SGTA: variants seen among roughly 807,000 people sequenced by gnomAD.
SGTA encodes the protein small glutamine rich tetratricopeptide repeat co-chaperone alpha.
In SGTA, 22 loss-of-function variants were observed where a neutral mutation model predicts 44.3. The ratio of observed to expected loss-of-function variants is 0.50; its 90% CI spans 0.36 to 0.71. The LOEUF (loss-of-function observed/expected upper bound fraction) is 0.71. Ranked by LOEUF, SGTA falls within the 30% of genes least tolerant of loss-of-function variation. The pLI is 0.00. For synonymous variants in SGTA, 174 were observed against 177.6 expected (o/e 0.98, Z 0.16); for missense variants, 341 against 435.9 (o/e 0.78, Z 1.94).
chr19:2,779,597 C>T (rs1339886647), intron 1 of SGTA, among the ~76,000 whole-genome samples: 1 of 152,180 alleles, frequency 6.6e-6, no homozygotes, highest in African/African-American at 2.4e-5. Context: ...TATGGATGCT[C>T]AGGAGCCATG....
At chr19:2,771,580 G>A (rs1181605154) in intron 1 of SGTA, among the ~76,000 whole-genome samples, 4 of 151,714 alleles carry the variant, frequency 2.6e-5, no homozygotes, top group Admixed American at 2.0e-4. Context: ...CCCATCGGGG[G>A]GGGGGGGAGG....
chr19:2,776,983 T>C (rs1314457320), intron 1 of SGTA, among the ~76,000 whole-genome samples: 1 of 145,366 alleles, frequency 6.9e-6, no homozygotes, highest in Admixed American at 6.9e-5. Context: ...GAAAGACTGG[T>C]CGGGCACAGT....
At position 2,763,012 on chromosome 19, in the gene SGTA, A is replaced by G. The variant is rs1599499192; in HGVS notation, c.498-368T>C. On this transcript the variant is annotated intron_variant, in intron 6 of 11. Coordinates refer to ENST00000221566, the MANE Select transcript of SGTA (RefSeq NM_003021.4). The surrounding 1 kb of genome is among the most constrained non-coding windows in gnomAD (Gnocchi z 5.8). ...GCACCAAGGACCCTCGGAACCTCTG[A>G]GCGACAGACATGTCTCCCGTCATCC... Among the ~76,000 whole-genome samples the G allele has an allele frequency of 6.6e-6, 1 of 152,110 alleles. No individual in the cohort carries two copies. The highest frequency in any genetic ancestry group is 1.9e-4 in the East Asian group (1 of 5,144).
Position 2,763,573 on chromosome 19 carries a change from G to A in SGTA, c.497+80C>T, listed in dbSNP as rs367853435. 2.0e-6 allele frequency: 2 copies of A among 988,604 alleles called. No homozygotes were observed. The highest frequency in any genetic ancestry group is 3.0e-6 in the Non-Finnish European group (2 of 663,590). The allele number at this position is 988,604 out of a possible 1,614,324, so 61.2% of individuals were successfully genotyped here. A position where few individuals can be genotyped will look rare whatever the true frequency, so the allele number is the denominator to read the frequency against. ...AGAATTCGTTGTGGGTGGGAAAAAAGCCACACAAGAGAGGAAGCAGGAGCA... is the reference window on the plus strand; with the variant it reads ...AGAATTCGTTGTGGGTGGGAAAAAAACCACACAAGAGAGGAAGCAGGAGCA... On this transcript the variant is annotated intron_variant, in intron 6 of 11. Transcript: ENST00000221566. The surrounding 1 kb of genome is among the most constrained non-coding windows in gnomAD (Gnocchi z 5.8).
chr19:2,768,936 G>T, intron 2 of SGTA, 33 bp downstream of exon 2: 1 of 1,516,678 alleles, frequency 6.6e-7, no homozygotes, highest in Non-Finnish European at 9.2e-7. Flanking sequence ...GCCGCTGCCC[G>T]GGGAGAGGGG....
Position 2,755,949 on chromosome 19 carries a change from C to G in SGTA, c.*7-16G>C. ...CCGGGAGCAGCTGGAAGGGGACAGACATGAAGGCTGTCAGAGCGCAGGTGG... is the reference window on the plus strand; with the variant it reads ...CCGGGAGCAGCTGGAAGGGGACAGAGATGAAGGCTGTCAGAGCGCAGGTGG... On this transcript the variant is annotated splice_polypyrimidine_tract_variant and intron_variant, in intron 11 of 11. Transcript: ENST00000221566. The surrounding 1 kb of genome is among the most constrained non-coding windows in gnomAD (Gnocchi z 5.2). The G allele has an allele frequency of 1.0e-6, 1 of 985,764 alleles. No homozygotes were observed. Among genetic ancestry groups the G allele is most frequent in the Non-Finnish European group, 1.2e-6 (1 of 830,118 alleles). The allele number at this position is 985,764 out of a possible 1,614,324, so 61.1% of individuals were successfully genotyped here. A position where few individuals can be genotyped will look rare whatever the true frequency, so the allele number is the denominator to read the frequency against.
rs1241934185 is a variant in SGTA at position 2,766,595 on chromosome 19, G to A, written c.292+541C>T. Among the ~76,000 whole-genome samples, 13 of 152,024 alleles carry A rather than the reference G, an allele frequency of 8.6e-5. No individual in the cohort carries two copies. In the East Asian group the frequency reaches 2.5e-3, roughly 30 times the overall value. On this transcript the variant is annotated intron_variant, in intron 4 of 11. Coordinates refer to ENST00000221566, the MANE Select transcript of SGTA (RefSeq NM_003021.4). ...TTACAGGTGCCCACCACTGCACCTG[G>A]CTAATTTTTTTGCATTTTTAGTAGA...
In SGTA at chr19:2,773,982, A is replaced by T. The variant is rs55714445; in HGVS notation, c.-23-4891T>A. Among the ~76,000 whole-genome samples, 242 of 77,488 alleles carry T rather than the reference A, an allele frequency of 3.1e-3. 58 individuals carry two copies. In the East Asian group the frequency reaches 0.059, roughly 19 times the overall value. 50.8% of individuals were successfully genotyped at this position (77,488 alleles called of 152,430 possible). A position where few individuals can be genotyped will look rare whatever the true frequency, so the allele number is the denominator to read the frequency against. On this transcript the variant is annotated intron_variant, in intron 1 of 11. Transcript: ENST00000221566. ...GGTGACGCGGCCACAGGGCAGGGACACCGAGGGCAGAGATGGGTGACGCGG... is the reference window on the plus strand; with the variant it reads ...GGTGACGCGGCCACAGGGCAGGGACTCCGAGGGCAGAGATGGGTGACGCGG...
chr19:2,771,919 C>A (rs7507289), intron 1 of SGTA, among the ~76,000 whole-genome samples: 1 of 152,236 alleles, frequency 6.6e-6, no homozygotes, highest in African/African-American at 2.4e-5. Context: ...CCGGGCTGGG[C>A]TGGGCAGCCG....
rs987055689 is a variant in SGTA at position 2,757,583 on chromosome 19, G to A, written c.827+110C>T. The A allele has an allele frequency of 2.7e-6, 4 of 1,459,706 alleles. No homozygotes were observed. The African/African-American group carries it at 5.6e-5, about 20-fold the overall frequency. The allele number at this position is 1,459,706 out of a possible 1,614,324, so 90.4% of individuals were successfully genotyped here. ...GCCTGACCCCTCGCTGGAGGACGCTGGGCCCTTCGGAGCAGGGGACGCAGC... is the reference window on the plus strand; with the variant it reads ...GCCTGACCCCTCGCTGGAGGACGCTAGGCCCTTCGGAGCAGGGGACGCAGC... On this transcript the variant is annotated intron_variant, in intron 10 of 11. Transcript: ENST00000221566.
At position 2,769,096 on chromosome 19, in the gene SGTA, G is replaced by C. The variant is rs2144731456; in HGVS notation, c.-23-5C>G. On this transcript the variant is annotated splice_polypyrimidine_tract_variant and splice_region_variant and intron_variant, in intron 1 of 11. Coordinates refer to ENST00000221566, the MANE Select transcript of SGTA (RefSeq NM_003021.4). ...TGAGCCCAGAAGAGGTGATACCTGG[G>C]GGTGCAGGAAAAACCCCCATCAGGC... 2 of 1,596,686 alleles carry C rather than the reference G, an allele frequency of 1.3e-6. No individual in the cohort carries two copies. The highest frequency in any genetic ancestry group is 1.7e-4 in the Middle Eastern group (1 of 6,016).
intron 11 of SGTA, among the ~76,000 whole-genome samples, chr19:2,756,490 CTT>C (rs1914822094): frequency 1.3e-5 from 2 of 151,764 alleles, no homozygotes; most frequent in African/African-American, 4.8e-5. Context: ...GTTCTTGCTG[CTT>C]TTTAACATTT....
At chr19:2,762,792 C>A (rs1183653544) in intron 6 of SGTA, 148 bp from the exon 7 acceptor site, 10 of 922,902 alleles carry the variant, frequency 1.1e-5, no homozygotes, top group Non-Finnish European at 1.6e-5. Context: ...TGGAGACAAA[C>A]CTGGCTTTCG....
chr19:2,760,848 G>C (rs751995498), intron 8 of SGTA, among the ~76,000 whole-genome samples: 1 of 152,200 alleles, frequency 6.6e-6, no homozygotes, highest in Non-Finnish European at 1.5e-5. Flanking sequence ...AGCCTTAGGC[G>C]AGTCCCTGTA....
At chr19:2,778,072 A>G (rs993388931) in intron 1 of SGTA, 3 of 151,936 alleles carry the variant, frequency 2.0e-5, no homozygotes, top group Non-Finnish European at 2.9e-5. Context: ...ATAAACCTAG[A>G]AGGCGGGGGT....
At position 2,765,616 on chromosome 19, in the gene SGTA, C is replaced by G. The variant is rs1017720557; in HGVS notation, c.293-331G>C. ...GAACAGTTAATACAGCTCACCGGCCCGGGGACGGAAACTGTCCCTTTCGCT... is the reference window on the plus strand; with the variant it reads ...GAACAGTTAATACAGCTCACCGGCCGGGGGACGGAAACTGTCCCTTTCGCT... On this transcript the variant is annotated intron_variant, in intron 4 of 11. Coordinates refer to ENST00000221566, the MANE Select transcript of SGTA (RefSeq NM_003021.4). This position sits in a 1 kb window ranked among gnomAD's most constrained non-coding sequence, Gnocchi z 5.5. 6.6e-6 allele frequency among the ~76,000 whole-genome samples: 1 copy of G among 152,194 alleles called. No homozygotes were observed. Among genetic ancestry groups the G allele is most frequent in the Non-Finnish European group, 1.5e-5 (1 of 68,042 alleles).
chr19:2,757,806 G>A (rs377441584), intron 9 of SGTA, 24 bp from the exon 10 acceptor site: 33 of 1,515,862 alleles, frequency 2.2e-5, no homozygotes, highest in African/African-American at 8.2e-5. Context: ...CGCGTGACTC[G>A]CAGCCGGGAC....
intron 1 of SGTA, among the ~76,000 whole-genome samples, chr19:2,772,489 C>T (rs1392547931): frequency 2.0e-5 from 3 of 152,258 alleles, no homozygotes; most frequent in Non-Finnish European, 4.4e-5. Flanking sequence ...CCCAGGGACC[C>T]TCTGCGCGCA....
intron 1 of SGTA, among the ~76,000 whole-genome samples, chr19:2,781,453 A>G (rs1915573929): frequency 6.6e-6 from 1 of 152,202 alleles, no homozygotes; most frequent in African/African-American, 2.4e-5. Context: ...GAAATCAACT[A>G]CAGGTAACGC....
Sources: gnomAD v4.1 joint callset for allele counts (sites outside exome capture counted in the v4.1 genomes callset) on GRCh38, gnomAD v4.1.1 for gene constraint, Gnocchi (gnomAD v3.1) non-coding constraint, MANE v1.5 for transcripts, NCBI Gene and HGNC (gene_info 2026-07-23, HGNC 2026-07-21) for gene names.